The following TENM4 variants were observed in gnomAD, a reference collection of about 807,000 sequenced individuals.
TENM4 encodes teneurin-4.
In TENM4, 82 loss-of-function variants were observed where a neutral mutation model predicts 243.3. That is an observed-to-expected ratio of 0.34 (90% CI 0.28 to 0.40). The LOEUF (loss-of-function observed/expected upper bound fraction) is 0.40. Ranked by LOEUF, TENM4 falls within the 10% of genes least tolerant of loss-of-function variation. The pLI is 1.00. For missense variants in TENM4, 3,138 were observed against 3,673.3 expected (o/e 0.85, Z 3.77); for synonymous variants, 1,412 against 1,456.3 (o/e 0.97, Z 0.69).
At chr11:78,659,766 G>T (rs1289213960) in intron 33 of TENM4, among the ~76,000 whole-genome samples, 2 of 152,198 alleles carry the variant, frequency 1.3e-5, no homozygotes, top group African/African-American at 2.4e-5. Flanking sequence ...GACAGGTCGG[G>T]CCCTGCCAAC....
chr11:79,051,926 T>A (rs1426793301), intron 6 of TENM4, among the ~76,000 whole-genome samples: 1 of 152,240 alleles, frequency 6.6e-6, no homozygotes, highest in African/African-American at 2.4e-5. Flanking sequence ...TCCAGCTCCA[T>A]CCATGTCCCT....
intron 15 of TENM4, among the ~76,000 whole-genome samples, chr11:78,792,600 C>A (rs1857079798): frequency 6.6e-6 from 1 of 152,154 alleles, no homozygotes; most frequent in Non-Finnish European, 1.5e-5. Context: ...ATGGGAAGAT[C>A]AATGTGGTCC....
intron 12 of TENM4, among the ~76,000 whole-genome samples, chr11:78,821,200 T>C (rs1857722403): frequency 1.3e-5 from 2 of 152,236 alleles, no homozygotes; most frequent in Admixed American, 1.3e-4. Flanking sequence ...ATTGTTTCCT[T>C]ATTATATTCA....
At chr11:79,014,060 T>C (rs1858713798) in intron 6 of TENM4, among the ~76,000 whole-genome samples, 1 of 152,230 alleles carries the variant, frequency 6.6e-6, no homozygotes, top group South Asian at 2.1e-4. Flanking sequence ...GGAACTCTTG[T>C]TATCTGTATC....
rs527696986 is a variant in TENM4, at chr11:79,384,001, C to G, written c.-321+56508G>C. ...ACTAGAATCAAGATAACCTGCCCCC[C>G]CTTCCTTTCTTCCCCATGGGTTCAT... On this transcript the variant is annotated intron_variant, in intron 1 of 33. Transcript: ENST00000278550. Among the ~76,000 whole-genome samples the G allele has an allele frequency of 1.1e-4, 17 of 152,280 alleles. No individual in the cohort carries two copies. In the East Asian group the frequency reaches 1.7e-3, roughly 16 times the overall value.
chr11:78,763,745 G>A (rs1440662112), intron 18 of TENM4, among the ~76,000 whole-genome samples: 2 of 152,206 alleles, frequency 1.3e-5, no homozygotes, highest in African/African-American at 2.4e-5. Flanking sequence ...TCCTATGCCC[G>A]AGACGCAATT....
intron 3 of TENM4, among the ~76,000 whole-genome samples, chr11:79,182,825 A>T (rs1469758572): frequency 1.3e-5 from 2 of 152,222 alleles, no homozygotes; most frequent in Non-Finnish European, 1.5e-5. Context: ...GATGTTCAGC[A>T]TCATATGCCA....
At position 79,232,043 on chromosome 11, in the gene TENM4, G is replaced by A. The variant is rs554240643; in HGVS notation, c.-264-16134C>T. On this transcript the variant is annotated intron_variant, in intron 2 of 33. Coordinates refer to ENST00000278550, the MANE Select transcript of TENM4 (RefSeq NM_001098816.3). ...TGCAGTGAGACAAGATCATACCACTGCACTCCAGTCTGAGGGACAGGGTGA... is the reference window on the plus strand; with the variant it reads ...TGCAGTGAGACAAGATCATACCACTACACTCCAGTCTGAGGGACAGGGTGA... 7.2e-5 allele frequency among the ~76,000 whole-genome samples: 11 copies of A among 152,262 alleles called. No individual in the cohort carries two copies. The South Asian group carries it at 1.9e-3, about 26-fold the overall frequency.
At chr11:78,926,969 T>C (rs1856567670) in intron 6 of TENM4, among the ~76,000 whole-genome samples, 1 of 152,240 alleles carries the variant, frequency 6.6e-6, no homozygotes, top group South Asian at 2.1e-4. Context: ...TTTTTGTTGC[T>C]TGTTATAAAG....
chr11:79,115,322 G>A (rs190325491), intron 4 of TENM4, among the ~76,000 whole-genome samples: 1 of 152,236 alleles, frequency 6.6e-6, no homozygotes, highest in East Asian at 1.9e-4. Context: ...GGAGGACCTT[G>A]GATTTAATCC....
intron 2 of TENM4, among the ~76,000 whole-genome samples, chr11:79,229,637 G>T (rs1864337914): frequency 6.6e-6 from 1 of 152,058 alleles, no homozygotes; most frequent in South Asian, 2.1e-4. Flanking sequence ...TACCACCCTA[G>T]CACCCTTCAG....
intron 15 of TENM4, among the ~76,000 whole-genome samples, chr11:78,789,656 A>C (rs966686218): frequency 6.6e-6 from 1 of 152,190 alleles, no homozygotes; most frequent in African/African-American, 2.4e-5. Context: ...AGCAGAAAGC[A>C]TACTATTCAC....
chr11:78,987,915 A>T (rs375674046), intron 6 of TENM4, among the ~76,000 whole-genome samples: 4 of 152,256 alleles, frequency 2.6e-5, no homozygotes, highest in Admixed American at 2.6e-4. Flanking sequence ...GCCAGGACTC[A>T]GGGCTGGCTC....
chr11:79,399,611 G>A (rs984108420), intron 1 of TENM4, among the ~76,000 whole-genome samples: 14 of 152,082 alleles, frequency 9.2e-5, no homozygotes, highest in African/African-American at 3.4e-4. Context: ...ATCGAGTCTT[G>A]CTTGAATACA....
At chr11:79,224,021 C>A (rs1377367309) in intron 2 of TENM4, among the ~76,000 whole-genome samples, 4 of 152,238 alleles carry the variant, frequency 2.6e-5, no homozygotes, top group Non-Finnish European at 5.9e-5. Flanking sequence ...CCCTCCAGAG[C>A]TCTCTTTCAG....
rs1263348351 is a variant in TENM4, at chr11:79,322,896, C to A, written c.-320-25353G>T. Among the ~76,000 whole-genome samples, 3 of 152,190 alleles carry A rather than the reference C, an allele frequency of 2.0e-5. No homozygotes were observed. The East Asian group carries it at 5.8e-4, about 29-fold the overall frequency. On this transcript the variant is annotated intron_variant, in intron 1 of 33. Transcript: ENST00000278550. Reference sequence around the variant, plus strand: ...ATCCTCATAAAAAGGACCTTGTAAACCAGAGGGTTTTAACCCAGTACCTTC... The same window carrying A: ...ATCCTCATAAAAAGGACCTTGTAAAACAGAGGGTTTTAACCCAGTACCTTC...
At chr11:78,786,787 T>G in intron 16 of TENM4, 111 bp downstream of exon 16, 1 of 1,445,232 alleles carries the variant, frequency 6.9e-7, no homozygotes, top group Non-Finnish European at 9.3e-7. Context: ...GAAAGGACTT[T>G]CTTCCCCATC....
At chr11:79,309,966 G>C (rs548556281) in intron 1 of TENM4, among the ~76,000 whole-genome samples, 1 of 152,218 alleles carries the variant, frequency 6.6e-6, no homozygotes, top group East Asian at 1.9e-4. Context: ...AGCCTGTCCT[G>C]ACCCTTCCAG....
chr11:79,326,511 A>T (rs1265113017), intron 1 of TENM4, among the ~76,000 whole-genome samples: 1 of 152,034 alleles, frequency 6.6e-6, no homozygotes, highest in Non-Finnish European at 1.5e-5. Context: ...CTCCTCACTC[A>T]TTTGTCTCTT....
Sources: gnomAD v4.1 joint callset for allele counts (sites outside exome capture counted in the v4.1 genomes callset) on GRCh38, gnomAD v4.1.1 for gene constraint, MANE v1.5 for transcripts, NCBI Gene and HGNC (gene_info 2026-07-23, HGNC 2026-07-21) for gene names.